Variants in SYT1 observed in about 807,000 individuals in gnomAD.
SYT1 encodes synaptotagmin 1.
SYT1 carries 8 observed loss-of-function variants against 44.8 expected under a neutral mutation model. That is an observed-to-expected ratio of 0.18 (90% CI 0.10 to 0.32). SYT1 has a LOEUF of 0.32. SYT1 is among the 10% of genes least tolerant of loss of function. The pLI, the probability that SYT1 is intolerant of heterozygous loss-of-function variation, is 1.00. For missense variants in SYT1, 286 were observed against 509.3 expected, an observed-to-expected ratio of 0.56 and a Z score of 4.22; for synonymous variants, 154 against 188.8, an observed-to-expected ratio of 0.82 and a Z score of 1.51.
At chr12:79,406,007 C>A (rs1210056104) in intron 9 of SYT1, among the ~76,000 whole-genome samples, 1 of 151,934 alleles carries the variant, frequency 6.6e-6, no homozygotes, top group Non-Finnish European at 1.5e-5. Context: ...TCATGGCTGG[C>A]TTTTAAGTAC....
intron 4 of SYT1, among the ~76,000 whole-genome samples, chr12:79,238,721 C>G (rs2138643550): frequency 6.6e-6 from 1 of 152,328 alleles, no homozygotes; most frequent in Non-Finnish European, 1.5e-5. Flanking sequence ...CACATATCCA[C>G]ACCCTTGATG....
intron 3 of SYT1, among the ~76,000 whole-genome samples, chr12:79,104,146 A>G (rs1347994854): frequency 6.7e-6 from 1 of 150,336 alleles, no homozygotes; most frequent in African/African-American, 2.5e-5. Context: ...ACATCATTCA[A>G]TGGAGTCAAT....
rs1421077042 is a variant in SYT1 at position 79,450,315 on chromosome 12, A to C, written c.*1191A>C. On this transcript the variant is annotated 3_prime_UTR_variant, in exon 11 of 11. Coordinates refer to ENST00000261205, the MANE Select transcript of SYT1 (RefSeq NM_005639.3). The stretch of plus-strand genomic sequence containing the variant: ...ACAAAAACCAACAACAATTAGCCAT[A>C]GTTCTGAATGCACTTCAATTAAGCC... The C allele has an allele frequency of 1.3e-5, 2 of 152,670 alleles. No individual in the cohort carries two copies. The highest frequency in any genetic ancestry group is 1.5e-5 in the Non-Finnish European group (1 of 68,042). 9.5% of individuals were successfully genotyped at this position (152,670 alleles called of 1,614,324 possible).
Position 79,029,085 on chromosome 12 carries a change from T to C in SYT1, c.-83-18212T>C, listed in dbSNP as rs909217508. 3.3e-5 allele frequency among the ~76,000 whole-genome samples: 5 copies of C among 151,292 alleles called. No individual in the cohort carries two copies. The East Asian group carries it at 9.7e-4, about 29-fold the overall frequency. On this transcript the variant is annotated intron_variant, in intron 2 of 10. Coordinates refer to ENST00000261205, the MANE Select transcript of SYT1 (RefSeq NM_005639.3). ...AGATATATTTTTGTTTTTGAAGTCC[T>C]ACATGGTAGTAGGATACTTTCTTGT...
chr12:79,395,399 A>G (rs145997134), intron 9 of SYT1, among the ~76,000 whole-genome samples: 3 of 152,144 alleles, frequency 2.0e-5, no homozygotes, highest in African/African-American at 7.2e-5. Flanking sequence ...TTGTATTTTT[A>G]GTAGAGATGA....
intron 3 of SYT1, among the ~76,000 whole-genome samples, chr12:79,148,785 T>C (rs1565827343): frequency 1.3e-5 from 2 of 152,174 alleles, no homozygotes; most frequent in Admixed American, 6.5e-5. Flanking sequence ...GATAGACTTG[T>C]TCAATTGCTA....
intron 1 of SYT1, among the ~76,000 whole-genome samples, chr12:78,929,071 AAATAAT>A (rs1877468680): frequency 6.6e-6 from 1 of 152,102 alleles, no homozygotes; most frequent in South Asian, 2.1e-4. Flanking sequence ...TTTATGTCTT[AAATAAT>A]AATAATCAGG....
At chr12:79,052,697 G>T (rs1201581028) in intron 3 of SYT1, among the ~76,000 whole-genome samples, 1 of 152,076 alleles carries the variant, frequency 6.6e-6, no homozygotes, top group Non-Finnish European at 1.5e-5. Flanking sequence ...GTGGGTGAAG[G>T]ATATGAACAG....
Position 79,311,997 on chromosome 12 carries a change from A to G in SYT1, c.810+12446A>G, listed in dbSNP as rs192107896. On this transcript the variant is annotated intron_variant, in intron 8 of 10. Transcript: ENST00000261205. ...ACTAACCTGCACATTGTGCACATGT[A>G]CCCTAAAACTTAAAGTGTAATAATA... is the stretch of plus-strand genomic sequence containing the variant. 6.2e-3 allele frequency among the ~76,000 whole-genome samples: 937 copies of G among 151,984 alleles called. 9 individuals carry two copies. Among genetic ancestry groups the G allele is most frequent in the African/African-American group, 0.022 (900 of 41,458 alleles).
At chr12:79,162,001 A>G (rs1458096774) in intron 3 of SYT1, among the ~76,000 whole-genome samples, 1 of 152,126 alleles carries the variant, frequency 6.6e-6, no homozygotes, top group African/African-American at 2.4e-5. Context: ...CACACAAAGA[A>G]AAGGTTTTCT....
chr12:79,079,671 T>C (rs1048705542), intron 3 of SYT1, among the ~76,000 whole-genome samples: 20 of 152,126 alleles, frequency 1.3e-4, no homozygotes, highest in African/African-American at 4.8e-4. Context: ...CCACAGAACC[T>C]TTGAAACATG....
At chr12:79,184,136 A>G (rs1872684866) in intron 3 of SYT1, among the ~76,000 whole-genome samples, 1 of 152,084 alleles carries the variant, frequency 6.6e-6, no homozygotes, top group Non-Finnish European at 1.5e-5. Flanking sequence ...ATATGAATAG[A>G]AAGAGGAAGT....
intron 1 of SYT1, among the ~76,000 whole-genome samples, chr12:78,929,518 C>T (rs1319279139): frequency 7.2e-6 from 1 of 138,194 alleles, no homozygotes; most frequent in African/African-American, 2.7e-5. Flanking sequence ...TCTAACTTCA[C>T]AATTTATGTA....
At chr12:79,059,061 C>T (rs1293833000) in intron 3 of SYT1, among the ~76,000 whole-genome samples, 1 of 152,034 alleles carries the variant, frequency 6.6e-6, no homozygotes, top group Non-Finnish European at 1.5e-5. Flanking sequence ...GCCTCACAAT[C>T]ATGCCAGAAG....
At chr12:79,368,152 A>C (rs1415448169) in intron 9 of SYT1, among the ~76,000 whole-genome samples, 1 of 148,410 alleles carries the variant, frequency 6.7e-6, no homozygotes, top group Non-Finnish European at 1.5e-5. Context: ...GCGGTGTTTG[A>C]TTTTTTTTCC....
intron 9 of SYT1, among the ~76,000 whole-genome samples, chr12:79,438,987 G>A (rs904496799): frequency 6.6e-6 from 1 of 152,108 alleles, no homozygotes; most frequent in African/African-American, 2.4e-5. Context: ...GAAAAAGTAA[G>A]GGAAGAGGTA....
intron 9 of SYT1, among the ~76,000 whole-genome samples, chr12:79,382,744 T>C (rs1055893574): frequency 6.6e-6 from 1 of 152,228 alleles, no homozygotes; most frequent in African/African-American, 2.4e-5. Context: ...GGTTTTTCAC[T>C]TTTTAAATGA....
intron 9 of SYT1, among the ~76,000 whole-genome samples, chr12:79,370,741 C>A (rs976775827): frequency 9.9e-5 from 15 of 151,278 alleles, no homozygotes; most frequent in African/African-American, 1.9e-4. Flanking sequence ...CCAGCCTGGG[C>A]GACAGAGCGA....
At chr12:79,249,085 TTTC>T (rs1877024930) in intron 4 of SYT1, among the ~76,000 whole-genome samples, 1 of 121,326 alleles carries the variant, frequency 8.2e-6, no homozygotes, top group Non-Finnish European at 1.7e-5. Context: ...TCTTTACCTC[TTTC>T]TTTTTTTTTT....
Sources: gnomAD v4.1 joint callset for allele counts (sites outside exome capture counted in the v4.1 genomes callset) on GRCh38, gnomAD v4.1.1 for gene constraint, MANE v1.5 for transcripts, NCBI Gene and HGNC (gene_info 2026-07-23, HGNC 2026-07-21) for gene names.